PTPN13: variants seen among roughly 807,000 people sequenced by gnomAD.
The protein encoded by PTPN13 is protein tyrosine phosphatase non-receptor type 13.
PTPN13 carries 191 observed loss-of-function variants against 284.0 expected under a neutral mutation model. That is an observed-to-expected ratio of 0.67 (90% CI 0.60 to 0.76). The LOEUF is 0.76. Among genes scored for constraint, PTPN13 ranks in the 30% least tolerant of loss-of-function variants. The pLI is 0.00. For missense variants in PTPN13, 2,797 were observed against 2,939.9 expected (o/e 0.95, Z 1.12); for synonymous variants, 986 against 1,022.3 (o/e 0.96, Z 0.68).
At chr4:86,613,008 T>C (rs778254273) in intron 1 of PTPN13, among the ~76,000 whole-genome samples, 41 of 152,128 alleles carry the variant, frequency 2.7e-4, no homozygotes, top group Non-Finnish European at 4.1e-4. Flanking sequence ...TGATACCAAA[T>C]GGATTTACAC....
chr4:86,745,163 G>C, intron 17 of PTPN13, 35 bp downstream of exon 17: 1 of 1,562,208 alleles, frequency 6.4e-7, no homozygotes, highest in Non-Finnish European at 8.7e-7. Flanking sequence ...ATGACTCCTG[G>C]GAATATGAAT....
chr4:86,712,312 T>C (rs1165833259), intron 7 of PTPN13, among the ~76,000 whole-genome samples: 2 of 151,486 alleles, frequency 1.3e-5, no homozygotes, highest in Admixed American at 6.6e-5. Context: ...AAACCACTTC[T>C]ATCTGGTTAG....
Position 86,754,837 on chromosome 4 carries a change from G to A in PTPN13, c.3223+1772G>A, listed in dbSNP as rs1358890733. Among the ~76,000 whole-genome samples the A allele has an allele frequency of 3.9e-5, 6 of 152,148 alleles. No homozygotes were observed. In the East Asian group the frequency reaches 7.7e-4, roughly 20 times the overall value. On this transcript the variant is annotated intron_variant, in intron 20 of 47. Transcript: ENST00000411767. ...TATTTAAACCTTCAGAAGGCTTAAAGTCTCACCTGCCCTGGACAGTAGGGC... is the reference window on the plus strand; with the variant it reads ...TATTTAAACCTTCAGAAGGCTTAAAATCTCACCTGCCCTGGACAGTAGGGC...
At chr4:86,711,426 A>G (rs543420302) in intron 7 of PTPN13, among the ~76,000 whole-genome samples, 1 of 152,182 alleles carries the variant, frequency 6.6e-6, no homozygotes, top group East Asian at 1.9e-4. Flanking sequence ...TTATGTGTTT[A>G]TGTACATTTA....
chr4:86,741,952 T>G, intron 16 of PTPN13, 136 bp downstream of exon 16: 1 of 675,488 alleles, frequency 1.5e-6, no homozygotes. Flanking sequence ...ACTCTTCCTT[T>G]GTAGTTGTGG....
chr4:86,698,072 A>G (rs954782604), intron 6 of PTPN13, among the ~76,000 whole-genome samples: 1 of 152,218 alleles, frequency 6.6e-6, no homozygotes, highest in African/African-American at 2.4e-5. Context: ...GAAAATGCTT[A>G]GGGCCATTGC....
chr4:86,725,023 T>TGTTC (rs1226360991), intron 10 of PTPN13, among the ~76,000 whole-genome samples: 1 of 148,710 alleles, frequency 6.7e-6, no homozygotes, highest in Non-Finnish European at 1.5e-5. Context: ...CGTGTCCATG[T>TGTTC]GTTCTCATTG....
intron 1 of PTPN13, among the ~76,000 whole-genome samples, chr4:86,603,591 G>A (rs76640964): frequency 0.046 from 7,053 of 152,098 alleles, 218 homozygotes; most frequent in African/African-American, 0.06. Context: ...AGATGATATG[G>A]TATGTATAAT....
intron 2 of PTPN13, among the ~76,000 whole-genome samples, chr4:86,667,685 CAG>C (rs1341801050): frequency 1.3e-5 from 2 of 152,110 alleles, no homozygotes; most frequent in Non-Finnish European, 2.9e-5. Flanking sequence ...TCAAATCCTT[CAG>C]AGTTTGGAAC....
chr4:86,803,571 C>A lies in PTPN13; in HGVS notation c.6506-138C>A, dbSNP rs1041168172. The A allele has an allele frequency of 4.4e-6, 4 of 908,616 alleles. No homozygotes were observed. The African/African-American group carries it at 5.0e-5, about 11-fold the overall frequency. 56.3% of individuals were successfully genotyped at this position (908,616 alleles called of 1,614,324 possible). A position where few individuals can be genotyped will look rare whatever the true frequency, so the allele number is the denominator to read the frequency against. On this transcript the variant is annotated intron_variant, in intron 42 of 47. Coordinates refer to ENST00000411767, the MANE Select transcript of PTPN13 (RefSeq NM_080683.3). ...TTACAGAACTGCACTCCATCGTAGG[C>A]GACAGAACAAGATTCTATCTCTAAA...
chr4:86,789,265 T>C (rs1186771668), intron 40 of PTPN13, among the ~76,000 whole-genome samples: 1 of 152,240 alleles, frequency 6.6e-6, no homozygotes, highest in African/African-American at 2.4e-5. Context: ...TTTAATGGCT[T>C]TAATTTCTTC....
At chr4:86,685,700 CTA>C (rs944330266) in intron 3 of PTPN13, among the ~76,000 whole-genome samples, 71 of 152,288 alleles carry the variant, frequency 4.7e-4, no homozygotes, top group Middle Eastern at 6.8e-3. Context: ...TGTAATACCT[CTA>C]TGGAAAAGGT....
intron 1 of PTPN13, among the ~76,000 whole-genome samples, chr4:86,598,933 A>AT (rs1359519439): frequency 2.6e-5 from 4 of 151,938 alleles, no homozygotes; most frequent in Non-Finnish European, 4.4e-5. Flanking sequence ...CTAATTTTTT[A>AT]TTTTTTGTAG....
chr4:86,649,761 G>T (rs1393551478), intron 2 of PTPN13, among the ~76,000 whole-genome samples: 2 of 152,080 alleles, frequency 1.3e-5, no homozygotes, highest in Admixed American at 6.5e-5. Flanking sequence ...TCTCTGTGAA[G>T]AATTTCATTG....
chr4:86,714,941 A>G (rs1278297900), intron 7 of PTPN13, among the ~76,000 whole-genome samples: 2 of 152,212 alleles, frequency 1.3e-5, no homozygotes, highest in Non-Finnish European at 2.9e-5. Context: ...AAGAGGAGCA[A>G]TGTCTAACTC....
intron 17 of PTPN13, among the ~76,000 whole-genome samples, chr4:86,750,253 T>C (rs940859416): frequency 3.3e-5 from 5 of 152,170 alleles, no homozygotes; most frequent in Non-Finnish European, 7.4e-5. Context: ...TTGAGTAGGC[T>C]GCAACTAAGA....
chr4:86,617,889 G>C (rs919557292), intron 1 of PTPN13, among the ~76,000 whole-genome samples: 1 of 151,794 alleles, frequency 6.6e-6, no homozygotes, highest in Non-Finnish European at 1.5e-5. Flanking sequence ...TGTTCACTCT[G>C]ATGGTAGTTT....
chr4:86,708,239 A>G (rs1007082310), intron 7 of PTPN13, among the ~76,000 whole-genome samples: 2 of 152,184 alleles, frequency 1.3e-5, no homozygotes, highest in African/African-American at 2.4e-5. Context: ...GACTATTCCC[A>G]TATGATATTA....
At position 86,766,539 on chromosome 4, in the gene PTPN13, C is replaced by A. The variant is rs1164094004; in HGVS notation, c.4329+22C>A. ...ACAGGTAACAGATCATTATACCAAC[C>A]TTTTACAGTACCTTAGAAGAGCAAA... On this transcript the variant is annotated intron_variant, in intron 27 of 47. Transcript: ENST00000411767. 4 of 1,521,614 alleles carry A rather than the reference C, an allele frequency of 2.6e-6. No individual in the cohort carries two copies. The East Asian group carries it at 6.9e-5, about 26-fold the overall frequency. The allele number at this position is 1,521,614 out of a possible 1,614,324, so 94.3% of individuals were successfully genotyped here. A position where few individuals can be genotyped will look rare whatever the true frequency, so the allele number is the denominator to read the frequency against.
Sources: gnomAD v4.1 joint callset for allele counts (sites outside exome capture counted in the v4.1 genomes callset) on GRCh38, gnomAD v4.1.1 for gene constraint, MANE v1.5 for transcripts, NCBI Gene and HGNC (gene_info 2026-07-23, HGNC 2026-07-21) for gene names.